The following MACROD2 variants were observed in gnomAD, a reference collection of about 807,000 sequenced individuals.
The protein encoded by MACROD2 is ADP-ribose glycohydrolase MACROD2.
MACROD2 carries 36 observed loss-of-function variants against 70.4 expected under a neutral mutation model. That is an observed-to-expected ratio of 0.51 (90% CI 0.39 to 0.68). The LOEUF is 0.68. MACROD2 is among the 30% of genes least tolerant of loss of function. The pLI, the probability that MACROD2 is intolerant of heterozygous loss-of-function variation, is 0.00. For synonymous variants in MACROD2, 172 were observed against 178.8 expected (o/e 0.96, Z 0.30); for missense variants, 496 against 538.4 (o/e 0.92, Z 0.78).
Position 14,698,118 on chromosome 20 carries a change from C to T in MACROD2, c.418+13159C>T, listed in dbSNP as rs546052413. On this transcript the variant is annotated intron_variant, in intron 5 of 17. Coordinates refer to ENST00000684519, the MANE Select transcript of MACROD2 (RefSeq NM_001351661.2). ...GCTGAGCTGAAATGAATCAAGTGAC[C>T]TGCCCAAGGTCTTCTTGCACAGATA... 3.9e-5 allele frequency among the ~76,000 whole-genome samples: 6 copies of T among 152,234 alleles called. No homozygotes were observed. In the East Asian group the frequency reaches 1.2e-3, roughly 29 times the overall value.
In MACROD2 at chr20:15,779,668, A is replaced by T. The variant is rs569268833; in HGVS notation, c.646-83077A>T. Among the ~76,000 whole-genome samples the T allele has an allele frequency of 2.0e-5, 3 of 152,276 alleles. No individual in the cohort carries two copies. The East Asian group carries it at 5.8e-4, about 29-fold the overall frequency. ...TTTGTTTGTGTGTTTTCCCCTCCACAGCCTAAGGATTCAGAAAGGTCAGAA... is the reference window on the plus strand; with the variant it reads ...TTTGTTTGTGTGTTTTCCCCTCCACTGCCTAAGGATTCAGAAAGGTCAGAA... On this transcript the variant is annotated intron_variant, in intron 8 of 17. Coordinates refer to ENST00000684519, the MANE Select transcript of MACROD2 (RefSeq NM_001351661.2).
intron 8 of MACROD2, among the ~76,000 whole-genome samples, chr20:15,616,400 A>C (rs2049039873): frequency 6.6e-6 from 1 of 152,030 alleles, no homozygotes; most frequent in Admixed American, 6.6e-5. Flanking sequence ...CACCGTGCCC[A>C]GCCAGTTCCC....
chr20:15,493,189 T>C (rs1484196758), intron 7 of MACROD2, among the ~76,000 whole-genome samples: 2 of 152,172 alleles, frequency 1.3e-5, no homozygotes, highest in Non-Finnish European at 2.9e-5. Flanking sequence ...CGCTGCCTTC[T>C]TACAAACTGC....
intron 8 of MACROD2, among the ~76,000 whole-genome samples, chr20:15,613,960 A>G (rs758713367): frequency 1.3e-5 from 2 of 152,196 alleles, no homozygotes; most frequent in African/African-American, 4.8e-5. Flanking sequence ...CCTTACACCT[A>G]TGGGAGCAGG....
intron 5 of MACROD2, among the ~76,000 whole-genome samples, chr20:15,061,122 T>C (rs769769280): frequency 1.3e-5 from 2 of 152,202 alleles, no homozygotes; most frequent in Non-Finnish European, 2.9e-5. Context: ...CTTGTGATAG[T>C]GTATGCTCAG....
intron 3 of MACROD2, chr20:14,223,075 T>G (rs1428153169): frequency 6.6e-6 from 1 of 152,300 alleles, no homozygotes; most frequent in Non-Finnish European, 1.5e-5. Flanking sequence ...TCCCAGCTAC[T>G]GGGGAGACTG....
At chr20:15,162,704 G>A (rs781576364) in intron 5 of MACROD2, among the ~76,000 whole-genome samples, 20 of 152,018 alleles carry the variant, frequency 1.3e-4, no homozygotes, top group Non-Finnish European at 1.8e-4. Flanking sequence ...CTCTCAATAC[G>A]TATTTGTGTA....
At chr20:14,909,561 G>T (rs148699854) in intron 5 of MACROD2, among the ~76,000 whole-genome samples, 23 of 151,908 alleles carry the variant, frequency 1.5e-4, no homozygotes, top group African/African-American at 5.3e-4. Flanking sequence ...CAAGCAGAGG[G>T]AACGAGATAA....
chr20:14,272,796 G>A (rs1186112623), intron 3 of MACROD2, among the ~76,000 whole-genome samples: 2 of 152,178 alleles, frequency 1.3e-5, no homozygotes, highest in Non-Finnish European at 2.9e-5. Flanking sequence ...AAGGATGGAG[G>A]AAGATCTACC....
intron 2 of MACROD2, among the ~76,000 whole-genome samples, chr20:14,041,159 CTAAT>C (rs756673044): frequency 1.3e-5 from 2 of 152,200 alleles, no homozygotes; most frequent in South Asian, 2.1e-4. Flanking sequence ...TATAATGTAG[CTAAT>C]TACTTTTATA....
At chr20:15,157,882 C>T (rs373154632) in intron 5 of MACROD2, among the ~76,000 whole-genome samples, 1 of 152,160 alleles carries the variant, frequency 6.6e-6, no homozygotes, top group Admixed American at 6.6e-5. Flanking sequence ...ACCACTTTCT[C>T]CCATTGCCCT....
At chr20:15,838,633 A>C (rs2064138869) in intron 8 of MACROD2, among the ~76,000 whole-genome samples, 1 of 152,210 alleles carries the variant, frequency 6.6e-6, no homozygotes, top group African/African-American at 2.4e-5. Flanking sequence ...TTGCTACATC[A>C]CAATGACTGT....
chr20:14,571,408 T>G (rs1980182362), intron 4 of MACROD2, among the ~76,000 whole-genome samples: 1 of 152,076 alleles, frequency 6.6e-6, no homozygotes, highest in African/African-American at 2.4e-5. Flanking sequence ...ATTTTTAGTT[T>G]TATTATAATC....
intron 3 of MACROD2, among the ~76,000 whole-genome samples, chr20:14,327,832 T>C (rs922384188): frequency 6.6e-6 from 1 of 152,072 alleles, no homozygotes; most frequent in Non-Finnish European, 1.5e-5. Flanking sequence ...TGAAGTTTTA[T>C]TGAATAATCC....
At chr20:14,817,325 A>G (rs923109217) in intron 5 of MACROD2, among the ~76,000 whole-genome samples, 2 of 152,174 alleles carry the variant, frequency 1.3e-5, no homozygotes, top group Admixed American at 6.5e-5. Flanking sequence ...CATATTGCCC[A>G]TGACCAATTC....
At chr20:15,063,344 C>T (rs1439979967) in intron 5 of MACROD2, among the ~76,000 whole-genome samples, 2 of 152,212 alleles carry the variant, frequency 1.3e-5, no homozygotes, top group African/African-American at 2.4e-5. Context: ...TTGCTTCCTG[C>T]TTCTTTTCCT....
intron 5 of MACROD2, among the ~76,000 whole-genome samples, chr20:15,209,112 G>T (rs1273583488): frequency 2.6e-5 from 3 of 115,638 alleles, no homozygotes; most frequent in East Asian, 2.1e-4. Flanking sequence ...GGTGGTGGTG[G>T]TGGTATTTAT....
chr20:14,760,452 T>C (rs2072001177), intron 5 of MACROD2, among the ~76,000 whole-genome samples: 2 of 152,224 alleles, frequency 1.3e-5, no homozygotes, highest in South Asian at 4.1e-4. Flanking sequence ...TTCTTATTAT[T>C]TTCTGGCATT....
At chr20:15,188,562 C>T (rs753080455) in intron 5 of MACROD2, among the ~76,000 whole-genome samples, 9 of 152,206 alleles carry the variant, frequency 5.9e-5, no homozygotes, top group Non-Finnish European at 1.2e-4. Flanking sequence ...TTCTTCTCTT[C>T]ATACTTTTCA....
Sources: allele counts gnomAD v4.1 joint callset (sites outside exome capture counted in the v4.1 genomes callset), GRCh38; gene constraint gnomAD v4.1.1; transcripts MANE v1.5; gene names NCBI Gene and HGNC (gene_info 2026-07-23, HGNC 2026-07-21).